Variants in MAP2K2 observed in about 807,000 individuals in gnomAD.
The protein encoded by MAP2K2 is dual specificity mitogen-activated protein kinase kinase 2.
Under a neutral mutation model 43.7 loss-of-function variants are expected in MAP2K2, and 24 were observed. That is an observed-to-expected ratio of 0.55 (90% confidence interval 0.40 to 0.77). The LOEUF (loss-of-function observed/expected upper bound fraction) is 0.77. MAP2K2 is among the 30% of genes least tolerant of loss of function. MAP2K2 has a pLI of 0.00. For synonymous variants in MAP2K2, 244 were observed against 239.7 expected, an observed-to-expected ratio of 1.02 and a Z score of -0.17; for missense variants, 470 against 566.8, an observed-to-expected ratio of 0.83 and a Z score of 1.73.
At chr19:4,091,840 G>A (rs1330876929) in intron 10 of MAP2K2, among the ~76,000 whole-genome samples, 1 of 152,118 alleles carries the variant, frequency 6.6e-6, no homozygotes, top group Non-Finnish European at 1.5e-5. Flanking sequence ...GTTGAGACCG[G>A]GTTTTTCCAT....
intron 1 of MAP2K2, among the ~76,000 whole-genome samples, chr19:4,123,382 T>A (rs995524536): frequency 1.3e-5 from 2 of 151,028 alleles, no homozygotes; most frequent in Non-Finnish European, 3.0e-5. Flanking sequence ...CATCCTCTCC[T>A]CTTAGAGACA....
At chr19:4,097,165 G>A (rs1487824340) in intron 8 of MAP2K2, 114 bp downstream of exon 8, 4 of 787,652 alleles carry the variant, frequency 5.1e-6, no homozygotes, top group Admixed American at 2.9e-5. Context: ...CTGTACTCCA[G>A]CCTTGGTGAC....
chr19:4,110,588 T>C lies in MAP2K2; in HGVS notation c.371A>G (p.Glu124Gly), dbSNP rs781670734. The C allele has an allele frequency of 6.2e-7, 1 of 1,613,884 alleles. No individual in the cohort carries two copies. Among genetic ancestry groups the C allele is most frequent in the East Asian group, 2.2e-5 (1 of 44,880 alleles). Residue 124 changes from glutamate to glycine, a missense_variant, in exon 3 of 11, where the codon GAA (glutamate) becomes GGA (glycine). Glu to Gly is a moderately conservative substitution (Grantham distance 98). Around this residue, in one of 3 missense-constraint regions of MAP2K2, gnomAD observed 200 missense variants for 297.9 expected, o/e 0.67. Transcript: ENST00000262948. The part of the protein sequence containing the change: ...QIIRELQVLH[E>G]CNSPYIVGFY... ...GCCCACGATGTACGGCGAGTTGCAT[T>C]CGTGCAGGACCTGCAGCTCGCGGAT...
chr19:4,100,885 C>T, intron 6 of MAP2K2, 134 bp downstream of exon 6: 1 of 1,049,164 alleles, frequency 9.5e-7, no homozygotes, highest in Non-Finnish European at 1.4e-6. Flanking sequence ...CGCAGGAGAA[C>T]TGGGAGGGAC....
In MAP2K2 at chr19:4,101,223, C is replaced by T. The variant is rs201435249; in HGVS notation, c.580+6G>A. 4,321 of 1,590,482 alleles carry T rather than the reference C, an allele frequency of 2.7e-3. 5 individuals carry two copies. Among genetic ancestry groups the T allele is most frequent in the Non-Finnish European group, 3.4e-3 (3,980 of 1,169,274 alleles). On this transcript the variant is annotated splice_donor_region_variant and intron_variant, in intron 5 of 10. Coordinates refer to ENST00000262948, the MANE Select transcript of MAP2K2 (RefSeq NM_030662.4). This position sits in a 1 kb window ranked among gnomAD's most constrained non-coding sequence, Gnocchi z 6.3. The stretch of plus-strand genomic sequence containing the variant: ...GGGGCTCTGGGGAGGGCGGGCTGGG[C>T]CTTACCTCGGTGCATGATCTGGTGC...
chr19:4,113,777 C>T (rs1045356911), intron 2 of MAP2K2, among the ~76,000 whole-genome samples: 27 of 152,052 alleles, frequency 1.8e-4, no homozygotes, highest in African/African-American at 6.3e-4. Flanking sequence ...TTGGGGGATT[C>T]GGAGTAGGAA....
rs112539916 is a variant in MAP2K2, at chr19:4,120,990, C to T, written c.92+2794G>A. ...GAGAGGCCACCAGACATGCCACAGT[C>T]CCTGACACCTGGTTCTTGAGGGGTC... On this transcript the variant is annotated intron_variant, in intron 1 of 10. Transcript: ENST00000262948. Among the ~76,000 whole-genome samples, 216 of 152,216 alleles carry T rather than the reference C, an allele frequency of 1.4e-3. 1 individual carries two copies. The highest frequency in any genetic ancestry group is 5.0e-3 in the African/African-American group (208 of 41,520).
intron 3 of MAP2K2, among the ~76,000 whole-genome samples, chr19:4,105,155 C>CGTGT (rs61710801): frequency 0.013 from 1,755 of 137,716 alleles, 39 homozygotes; most frequent in African/African-American, 0.044. Context: ...ACACGTCTAC[C>CGTGT]GTGTGTGTGT....
chr19:4,113,758 G>A (rs894038282), intron 2 of MAP2K2, among the ~76,000 whole-genome samples: 1 of 152,172 alleles, frequency 6.6e-6, no homozygotes, highest in African/African-American at 2.4e-5. Context: ...ATTTGAGCCA[G>A]GGGTGGGGTT....
intron 3 of MAP2K2, 116 bp from the exon 4 acceptor site, chr19:4,102,569 G>A (rs761777764): frequency 3.2e-5 from 31 of 961,042 alleles, no homozygotes; most frequent in East Asian, 5.2e-5. Flanking sequence ...AGCAGGGGCC[G>A]GAGCCCAACT....
At chr19:4,103,680 C>A (rs2041047547) in intron 3 of MAP2K2, among the ~76,000 whole-genome samples, 1 of 152,222 alleles carries the variant, frequency 6.6e-6, no homozygotes, top group Non-Finnish European at 1.5e-5. Flanking sequence ...CTCAGGGGTG[C>A]CCGGGTTGCC....
intron 4 of MAP2K2, 26 bp downstream of exon 4, chr19:4,102,350 G>C (rs73918027): frequency 2.6e-6 from 4 of 1,563,584 alleles, no homozygotes; most frequent in Middle Eastern, 3.3e-4. Context: ...CGGTGGGGGC[G>C]CGATGTGGGT....
At chr19:4,104,067 C>G (rs2046021586) in intron 3 of MAP2K2, among the ~76,000 whole-genome samples, 2 of 151,952 alleles carry the variant, frequency 1.3e-5, no homozygotes, top group African/African-American at 4.8e-5. Context: ...AGTTTGAGAC[C>G]AGCCTGGCCA....
At chr19:4,091,088 C>T (rs1364795343) in intron 10 of MAP2K2, among the ~76,000 whole-genome samples, 4 of 152,206 alleles carry the variant, frequency 2.6e-5, no homozygotes, top group African/African-American at 7.2e-5. Context: ...TACTGAGCAG[C>T]GTCCCTGGCC....
chr19:4,103,277 G>A lies in MAP2K2; in HGVS notation c.451-824C>T, dbSNP rs542474749. On this transcript the variant is annotated intron_variant, in intron 3 of 10. Coordinates refer to ENST00000262948, the MANE Select transcript of MAP2K2 (RefSeq NM_030662.4). ...GTGGCCCCACATCCATGTCATAAAT[G>A]ATGAAACAGAAATTCCATGTCTTGC... 5 of 983,950 alleles carry A rather than the reference G, an allele frequency of 5.1e-6. No homozygotes were observed. In the African/African-American group the frequency reaches 5.2e-5, roughly 10 times the overall value. The allele number at this position is 983,950 out of a possible 1,614,324, so 61.0% of individuals were successfully genotyped here.
chr19:4,097,461 T>C (rs2040936172), intron 7 of MAP2K2, 118 bp from the exon 8 acceptor site: 2 of 759,310 alleles, frequency 2.6e-6, no homozygotes, highest in Non-Finnish European at 2.3e-6. Flanking sequence ...CCAGCCTAAA[T>C]TGGAGGCGGG....
At chr19:4,098,777 C>T (rs542375878) in intron 7 of MAP2K2, among the ~76,000 whole-genome samples, 3 of 152,350 alleles carry the variant, frequency 2.0e-5, no homozygotes, top group Admixed American at 6.5e-5. Context: ...ATGCCAAGTC[C>T]AATCTCCACT....
At chr19:4,097,395 T>A in intron 7 of MAP2K2, 52 bp from the exon 8 acceptor site, 1 of 1,430,026 alleles carries the variant, frequency 7.0e-7, no homozygotes, top group Non-Finnish European at 9.9e-7. Flanking sequence ...ACCTCACTTC[T>A]GCTGGGGGTT....
In MAP2K2 at chr19:4,102,709, G is replaced by A. The variant is rs945510530; in HGVS notation, c.451-256C>T. 9.4e-5 allele frequency: 115 copies of A among 1,218,038 alleles called. 1 individual carries two copies. In the Admixed American group the frequency reaches 1.6e-3, roughly 17 times the overall value. 75.5% of individuals were successfully genotyped at this position (1,218,038 alleles called of 1,614,324 possible). A position where few individuals can be genotyped will look rare whatever the true frequency, so the allele number is the denominator to read the frequency against. ...CCCGTCCCATCCTCGAATCAGTTGC[G>A]TGACTCGGCCCTCCTGAGGTCGCCA... On this transcript the variant is annotated intron_variant, in intron 3 of 10. Coordinates refer to ENST00000262948, the MANE Select transcript of MAP2K2 (RefSeq NM_030662.4).
Sources: allele counts gnomAD v4.1 joint callset (sites outside exome capture counted in the v4.1 genomes callset), GRCh38; gene constraint gnomAD v4.1.1; regional missense constraint gnomAD v4.1.1; non-coding constraint Gnocchi (gnomAD v3.1); transcripts MANE v1.5; gene names NCBI Gene and HGNC (gene_info 2026-07-23, HGNC 2026-07-21).